CCDC39: variants seen among roughly 807,000 people sequenced by gnomAD.
CCDC39 encodes coiled-coil domain 39 molecular ruler complex subunit.
A neutral mutation model predicts 121.0 loss-of-function variants in CCDC39; 113 were observed. The ratio of observed to expected loss-of-function variants is 0.93; its 90% CI spans 0.80 to 1.09. The LOEUF is 1.09. Ranked by LOEUF, CCDC39 falls within the 50% of genes least tolerant of loss-of-function variation. The pLI is 0.00. For synonymous variants in CCDC39, 349 were observed against 352.2 expected, an observed-to-expected ratio of 0.99 and a Z score of 0.10; for missense variants, 1,063 against 1,074.7, an observed-to-expected ratio of 0.99 and a Z score of 0.15.
intron 7 of CCDC39, among the ~76,000 whole-genome samples, chr3:180,654,249 A>AATT (rs1203383359): frequency 6.7e-6 from 1 of 150,092 alleles, no homozygotes; most frequent in African/African-American, 2.4e-5. Context: ...AAAAGAGAGA[A>AATT]AGAAATTGGG....
At chr3:180,646,984 G>T in intron 11 of CCDC39, 95 bp downstream of exon 11, 1 of 1,059,906 alleles carries the variant, frequency 9.4e-7, no homozygotes, top group Non-Finnish European at 1.4e-6. Context: ...GTGTAGAGTG[G>T]CAGTCACCCT....
At chr3:180,617,243 G>A (rs1717279604) in intron 16 of CCDC39, 4 of 473,778 alleles carry the variant, frequency 8.4e-6, no homozygotes, top group South Asian at 4.8e-5. Context: ...GATGGCTGGT[G>A]TAAACAAACC....
chr3:180,673,280 T>A (rs1712100152), intron 1 of CCDC39, among the ~76,000 whole-genome samples: 1 of 152,228 alleles, frequency 6.6e-6, no homozygotes, highest in African/African-American at 2.4e-5. Context: ...TATCAAACAT[T>A]ATTGCATGCT....
chr3:180,651,763 C>A (rs541504071), intron 8 of CCDC39, among the ~76,000 whole-genome samples: 1 of 152,044 alleles, frequency 6.6e-6, no homozygotes, highest in Non-Finnish European at 1.5e-5. Context: ...GCTGGCCAGG[C>A]GCGGTGGCTC....
chr3:180,662,063 C>A lies in CCDC39; in HGVS notation c.211-56G>T, dbSNP rs73885311. The A allele has an allele frequency of 7.4e-3, 10,694 of 1,451,652 alleles. 691 individuals are homozygous for A. In the African/African-American group the frequency reaches 0.14, roughly 19 times the overall value. 89.9% of individuals were successfully genotyped at this position (1,451,652 alleles called of 1,614,324 possible). On this transcript the variant is annotated intron_variant, in intron 2 of 19. Coordinates refer to ENST00000476379, the MANE Select transcript of CCDC39 (RefSeq NM_181426.2). ...TTTAAAATTTTAGAAATTTTGAATA[C>A]AAATATTTATAATAATCCATTAGAT...
chr3:180,631,944 C>T (rs1381908236), intron 13 of CCDC39, among the ~76,000 whole-genome samples: 4 of 152,130 alleles, frequency 2.6e-5, no homozygotes, highest in Non-Finnish European at 4.4e-5. Flanking sequence ...TCAGAGACAA[C>T]GGACTTTATT....
At chr3:180,646,303 T>C (rs1161997626) in intron 11 of CCDC39, among the ~76,000 whole-genome samples, 5 of 151,908 alleles carry the variant, frequency 3.3e-5, no homozygotes, top group African/African-American at 4.8e-5. Context: ...GTAATAACTC[T>C]CCACCTTTTG....
At position 180,679,166 on chromosome 3, in the gene CCDC39, G is replaced by A; in HGVS notation, c.90+125C>T. 2 of 763,330 alleles carry A rather than the reference G, an allele frequency of 2.6e-6. No homozygotes were observed. The highest frequency in any genetic ancestry group is 2.4e-6 in the Non-Finnish European group (1 of 415,840). The allele number at this position is 763,330 out of a possible 1,614,324, so 47.3% of individuals were successfully genotyped here. A position where few individuals can be genotyped will look rare whatever the true frequency, so the allele number is the denominator to read the frequency against. On this transcript the variant is annotated intron_variant, in intron 1 of 19. Coordinates refer to ENST00000476379, the MANE Select transcript of CCDC39 (RefSeq NM_181426.2). The surrounding 1 kb of genome is among the most constrained non-coding windows in gnomAD (Gnocchi z 4.0). ...AAGGGAGGAGGGCGATGGTGCGGGG[G>A]AGTGTTAGAGGAAGCACAGGATTAG...
intron 7 of CCDC39, among the ~76,000 whole-genome samples, chr3:180,653,711 A>C (rs1014882790): frequency 6.6e-6 from 1 of 152,322 alleles, no homozygotes; most frequent in Middle Eastern, 3.4e-3. Flanking sequence ...TAAACTAATC[A>C]AAACAAAATA....
At chr3:180,635,698 C>T (rs927876323) in intron 13 of CCDC39, among the ~76,000 whole-genome samples, 3 of 152,170 alleles carry the variant, frequency 2.0e-5, no homozygotes, top group South Asian at 2.1e-4. Context: ...TAGCTCTGCC[C>T]CTGTGGCTTT....
chr3:180,679,170 G>T lies in CCDC39; in HGVS notation c.90+121C>A. The T allele has an allele frequency of 1.3e-6, 1 of 785,904 alleles. No individual in the cohort carries two copies. Among genetic ancestry groups the T allele is most frequent in the Non-Finnish European group, 2.3e-6 (1 of 432,266 alleles). The allele number at this position is 785,904 out of a possible 1,614,324, so 48.7% of individuals were successfully genotyped here. ...GAGGAGGGCGATGGTGCGGGGGAGT[G>T]TTAGAGGAAGCACAGGATTAGGAAA... On this transcript the variant is annotated intron_variant, in intron 1 of 19. Coordinates refer to ENST00000476379, the MANE Select transcript of CCDC39 (RefSeq NM_181426.2). This position sits in a 1 kb window ranked among gnomAD's most constrained non-coding sequence, Gnocchi z 4.0.
intron 14 of CCDC39, among the ~76,000 whole-genome samples, chr3:180,630,470 G>A (rs1717666851): frequency 6.6e-6 from 1 of 152,084 alleles, no homozygotes; most frequent in Non-Finnish European, 1.5e-5. Flanking sequence ...GGCCAATTAA[G>A]TTGGTAGAAA....
At chr3:180,644,415 TA>T (rs1241565172) in intron 11 of CCDC39, among the ~76,000 whole-genome samples, 158 bp from the exon 12 acceptor site, 2 of 152,224 alleles carry the variant, frequency 1.3e-5, no homozygotes, top group African/African-American at 4.8e-5. Context: ...GTCTGTAATA[TA>T]ATACACATGG....
chr3:180,676,983 C>T (rs540555032), intron 1 of CCDC39, among the ~76,000 whole-genome samples: 26 of 150,962 alleles, frequency 1.7e-4, no homozygotes, highest in African/African-American at 6.3e-4. Flanking sequence ...ACATCACACA[C>T]TGGGGCCTGT....
At chr3:180,617,622 T>TA (rs1300897658) in intron 16 of CCDC39, 2 of 405,878 alleles carry the variant, frequency 4.9e-6, no homozygotes, top group South Asian at 1.2e-4. Flanking sequence ...AATTAAAAAG[T>TA]AAAAAAACTA....
At chr3:180,637,429 C>G (rs1458281367) in intron 13 of CCDC39, among the ~76,000 whole-genome samples, 1 of 152,070 alleles carries the variant, frequency 6.6e-6, no homozygotes, top group Non-Finnish European at 1.5e-5. Context: ...AATAAAATAA[C>G]AGATGCTGGT....
rs965192057 is a variant in CCDC39, at chr3:180,619,800, C to T, written c.2158+11G>A. 3.3e-6 allele frequency: 5 copies of T among 1,532,196 alleles called. No individual in the cohort carries two copies. In the East Asian group the frequency reaches 6.9e-5, roughly 21 times the overall value. 94.9% of individuals were successfully genotyped at this position (1,532,196 alleles called of 1,614,324 possible). A position where few individuals can be genotyped will look rare whatever the true frequency, so the allele number is the denominator to read the frequency against. On this transcript the variant is annotated intron_variant, in intron 15 of 19. Coordinates refer to ENST00000476379, the MANE Select transcript of CCDC39 (RefSeq NM_181426.2). Reference sequence around the variant, plus strand: ...GTATATATGTATAAAAAAAAGTTAACTCCTACATACTAGATGGAGTCACTT... The same window carrying T: ...GTATATATGTATAAAAAAAAGTTAATTCCTACATACTAGATGGAGTCACTT...
At chr3:180,665,542 A>G (rs1711852888) in intron 1 of CCDC39, among the ~76,000 whole-genome samples, 1 of 152,014 alleles carries the variant, frequency 6.6e-6, no homozygotes, top group South Asian at 2.1e-4. Flanking sequence ...TTTTTGTGTC[A>G]TTAAACTTTT....
At chr3:180,657,064 C>A (rs1711599129) in intron 6 of CCDC39, among the ~76,000 whole-genome samples, 1 of 152,134 alleles carries the variant, frequency 6.6e-6, no homozygotes, top group South Asian at 2.1e-4. Context: ...GCCTCAGATT[C>A]TTTCTTGCAT....
Sources: gnomAD v4.1 joint callset for allele counts (sites outside exome capture counted in the v4.1 genomes callset) on GRCh38, gnomAD v4.1.1 for gene constraint, Gnocchi (gnomAD v3.1) non-coding constraint, MANE v1.5 for transcripts, NCBI Gene and HGNC (gene_info 2026-07-23, HGNC 2026-07-21) for gene names.